The following GOLGB1 variants were observed in gnomAD, a reference collection of about 807,000 sequenced individuals.
GOLGB1 encodes golgin B1, also known as golgin subfamily B member 1.
Under a neutral mutation model 336.9 loss-of-function variants are expected in GOLGB1, and 174 were observed. The ratio of observed to expected loss-of-function variants is 0.52; its 90% CI spans 0.46 to 0.59. GOLGB1 has a LOEUF of 0.59. Ranked by LOEUF, GOLGB1 falls within the 20% of genes least tolerant of loss-of-function variation. The pLI, the probability that GOLGB1 is intolerant of heterozygous loss-of-function variation, is 0.00. For missense variants in GOLGB1, 3,331 were observed against 3,645.3 expected, an observed-to-expected ratio of 0.91 and a Z score of 2.22; for synonymous variants, 1,208 against 1,289.2, an observed-to-expected ratio of 0.94 and a Z score of 1.35.
intron 1 of GOLGB1, among the ~76,000 whole-genome samples, chr3:121,743,753 T>C (rs1427211686): frequency 1.3e-5 from 2 of 152,114 alleles, no homozygotes; most frequent in Non-Finnish European, 2.9e-5. Context: ...TACCAAATTG[T>C]CAAAAATGAG....
chr3:121,703,004 G>A (rs1199879658), intron 10 of GOLGB1, among the ~76,000 whole-genome samples: 1 of 152,158 alleles, frequency 6.6e-6, no homozygotes, highest in Non-Finnish European at 1.5e-5. Flanking sequence ...GAGGAATAGA[G>A]GCAAAGGAAT....
chr3:121,731,939 G>GA (rs1361684180), intron 1 of GOLGB1, among the ~76,000 whole-genome samples: 5 of 151,686 alleles, frequency 3.3e-5, no homozygotes, highest in African/African-American at 1.2e-4. Context: ...AGATGACCAA[G>GA]AAAAAAACAG....
chr3:121,715,013 T>A (rs1412676134), intron 9 of GOLGB1, 37 bp from the exon 10 acceptor site: 1 of 1,130,674 alleles, frequency 8.8e-7, no homozygotes, highest in African/African-American at 1.5e-5. Context: ...AATATTTGCT[T>A]CAAGTCTGAA....
At position 121,678,963 on chromosome 3, in the gene GOLGB1, T is replaced by C. The variant is rs189785206; in HGVS notation, c.8874-1513A>G. Among the ~76,000 whole-genome samples the C allele has an allele frequency of 2.6e-3, 402 of 152,220 alleles. 1 individual carries two copies. The highest frequency in any genetic ancestry group is 9.2e-3 in the African/African-American group (380 of 41,520). The stretch of plus-strand genomic sequence containing the variant: ...TTTTTATACACTAAGTGTTTAATCT[T>C]GGGATTAAATTTGTCAGAAAAACTG... On this transcript the variant is annotated intron_variant, in intron 15 of 21. Coordinates refer to ENST00000614479, the MANE Select transcript of GOLGB1 (RefSeq NM_001366282.2).
chr3:121,684,477 A>G (rs1436344458), intron 14 of GOLGB1, among the ~76,000 whole-genome samples: 1 of 152,108 alleles, frequency 6.6e-6, no homozygotes, highest in Non-Finnish European at 1.5e-5. Context: ...GAAGAAAAAA[A>G]GACCTATACC....
rs749793675 is a variant in GOLGB1 at position 121,719,681 on chromosome 3, C to T, written c.736G>A (p.Val246Ile). 1.7e-5 allele frequency: 28 copies of T among 1,610,876 alleles called. No homozygotes were observed. The highest frequency in any genetic ancestry group is 2.4e-5 in the Non-Finnish European group (28 of 1,178,456). ...TCTGTTTCCACATCTGCCTGGGTTA[C>T]TAACTGAAGAAGCTCATCTTCATGA... ...RLHEDELLQL[V>I]TQADVETEMQ... The change falls in exon 7 of 22, where the codon GTA becomes ATA. Residue 246 changes from valine (V) to isoleucine (I), a missense_variant. Val to Ile is a conservative substitution (Grantham distance 29). Transcript: ENST00000614479.
intron 10 of GOLGB1, among the ~76,000 whole-genome samples, chr3:121,708,944 C>T (rs1338054105): frequency 6.6e-6 from 1 of 151,918 alleles, no homozygotes; most frequent in East Asian, 1.9e-4. Flanking sequence ...AAGTATAACC[C>T]AACTATATGT....
Position 121,729,290 on chromosome 3 carries a change from C to T in GOLGB1, c.300G>A (p.Ala100=), listed in dbSNP as rs201587958. ...TATTCAAAGAAGTTAATTTGGCCTT[C>T]GCATGAAGTTTTAGTTTTTTAATTT... ...DNKIKKLKLH[A]KAKLTSLNKY... The change falls in exon 4 of 22, where the codon GCG becomes GCA. Residue 100 remains alanine (A), a synonymous_variant. Coordinates refer to ENST00000614479, the MANE Select transcript of GOLGB1 (RefSeq NM_001366282.2). 6.8e-6 allele frequency: 11 copies of T among 1,612,504 alleles called. No homozygotes were observed. Among genetic ancestry groups the T allele is most frequent in the East Asian group, 2.2e-5 (1 of 44,834 alleles).
At position 121,691,811 on chromosome 3, in the gene GOLGB1, C is replaced by T. The variant is rs755197372; in HGVS notation, c.7553G>A (p.Arg2518Gln). Residue 2518 changes from arginine (R) to glutamine (Q), a missense_variant, in exon 14 of 22, where the codon CGA becomes CAA. Arg to Gln is a conservative substitution (Grantham distance 43, BLOSUM62 1). Transcript: ENST00000614479. ...AENNKLKEEI[R>Q]GLRSHMDDLN... ...ATCATCCATATGACTTCTCAAGCCT[C>T]GTATTTCTTCTTTAAGCTTATTATT... The T allele has an allele frequency of 9.9e-6, 16 of 1,613,774 alleles. No individual in the cohort carries two copies. The highest frequency in any genetic ancestry group is 2.2e-5 in the South Asian group (2 of 91,044).
chr3:121,687,045 G>C (rs1054860148), intron 14 of GOLGB1, among the ~76,000 whole-genome samples: 1 of 152,156 alleles, frequency 6.6e-6, no homozygotes, highest in Non-Finnish European at 1.5e-5. Context: ...AGCCGAGGCA[G>C]GTGGATCACT....
Position 121,690,908 on chromosome 3 carries a change from T to C in GOLGB1, c.8456A>G (p.Asp2819Gly). 6.2e-7 allele frequency: 1 copy of C among 1,614,190 alleles called. No individual in the cohort carries two copies. Among genetic ancestry groups the C allele is most frequent in the African/African-American group, 1.3e-5 (1 of 75,064 alleles). The change falls in exon 14 of 22, where the codon GAT becomes GGT. Residue 2819 changes from aspartate (D) to glycine (G), a missense_variant. By Grantham distance (94) the Asp-to-Gly change is moderately conservative. Transcript: ENST00000614479. The stretch of plus-strand genomic sequence containing the variant: ...TGAGGACAAGTGAAGCAATTGCTCA[T>C]CTTTGGATAGGAGCTGTTGGTTAAG... ...EKLNQQLLSKDEQLLHLSSQL... is the reference protein window; with the variant it reads ...EKLNQQLLSKGEQLLHLSSQL...
At chr3:121,748,451 G>C (rs1000028156) in intron 1 of GOLGB1, among the ~76,000 whole-genome samples, 1 of 152,112 alleles carries the variant, frequency 6.6e-6, no homozygotes, top group Non-Finnish European at 1.5e-5. Context: ...GCAGTGAAAA[G>C]AAAAACATTA....
chr3:121,696,812 C>T lies in GOLGB1; in HGVS notation c.3711G>A (p.Gln1237=). 1 of 1,614,110 alleles carries T rather than the reference C, an allele frequency of 6.2e-7. No individual in the cohort carries two copies. The highest frequency in any genetic ancestry group is 8.5e-7 in the Non-Finnish European group (1 of 1,179,954). ...TTACTTGAATCTGGAGTTGCCTTAG[C>T]TGGTCTCCAATATTCTCATTTTCCT... ...QSKENENIGD[Q]LRQLQIQVRE... Residue 1237 remains glutamine (Q), a synonymous_variant, in exon 13 of 22, where the codon CAG becomes CAA. Transcript: ENST00000614479.
intron 16 of GOLGB1, 73 bp downstream of exon 16, chr3:121,677,212 A>AG: frequency 7.5e-7 from 1 of 1,332,018 alleles, no homozygotes; most frequent in Non-Finnish European, 1.0e-6. Context: ...TAAAAAAAAA[A>AG]CAAAACCCTG....
intron 11 of GOLGB1, among the ~76,000 whole-genome samples, chr3:121,701,008 G>C (rs1943359209): frequency 6.6e-6 from 1 of 152,062 alleles, no homozygotes; most frequent in Non-Finnish European, 1.5e-5. Context: ...TGGCACATAG[G>C]AAAGCCACCA....
At position 121,729,994 on chromosome 3, in the gene GOLGB1, C is replaced by G. The variant is rs368453498; in HGVS notation, c.120G>C (p.Met40Ile). ...LDPELHQESDMEFNNTTQEDV... is the reference protein window; with the variant it reads ...LDPELHQESDIEFNNTTQEDV... Reference sequence around the variant, plus strand: ...CTTCTTGTGTAGTATTATTAAATTCCATGTCAGATTCTTGGTGTAATTCCT... The same window carrying G: ...CTTCTTGTGTAGTATTATTAAATTCGATGTCAGATTCTTGGTGTAATTCCT... Residue 40 changes from methionine to isoleucine, a missense_variant, in exon 3 of 22, where the codon ATG becomes ATC. Transcript: ENST00000614479. 1 of 1,612,120 alleles carries G rather than the reference C, an allele frequency of 6.2e-7. No individual in the cohort carries two copies. The highest frequency in any genetic ancestry group is 2.2e-5 in the East Asian group (1 of 44,856).
chr3:121,697,702 T>G lies in GOLGB1; in HGVS notation c.2821A>C (p.Asn941His). Residue 941 changes from asparagine (N) to histidine (H), a missense_variant, in exon 13 of 22, where the codon AAT becomes CAT. Asn to His is a moderately conservative substitution (Grantham distance 68). Transcript: ENST00000614479. ...VEIKTLKEQL[N>H]LLSRAEEAKK... ...GCTTCCTCAGCTCTGGATAATAAAT[T>G]TAGCTGTTCTTTAAGAGTCTTAATT... 6.2e-7 allele frequency: 1 copy of G among 1,613,738 alleles called. No individual in the cohort carries two copies. The highest frequency in any genetic ancestry group is 8.5e-7 in the Non-Finnish European group (1 of 1,179,942).
intron 1 of GOLGB1, among the ~76,000 whole-genome samples, chr3:121,733,159 TA>T (rs1206192987): frequency 1.3e-5 from 2 of 151,786 alleles, no homozygotes; most frequent in Non-Finnish European, 2.9e-5. Flanking sequence ...CCAACTCTAC[TA>T]AAAATACAAA....
Position 121,694,035 on chromosome 3 carries a change from G to T in GOLGB1, c.6488C>A (p.Thr2163Lys), listed in dbSNP as rs1298846129. 6.2e-7 allele frequency: 1 copy of T among 1,614,010 alleles called. No individual in the cohort carries two copies. The change falls in exon 13 of 22, where the codon ACA becomes AAA. Residue 2163 changes from threonine (T) to lysine (K), a missense_variant. Thr to Lys is a moderately conservative substitution (Grantham distance 78). Transcript: ENST00000614479. ...LRREKVHLEETIGEIQVTLNK... is the reference protein window; with the variant it reads ...LRREKVHLEEKIGEIQVTLNK... ...CAAAGTAACCTGAATCTCTCCAATT[G>T]TCTCTTCCAAGTGGACTTTTTCTCT...
Sources: gnomAD v4.1 joint callset for allele counts (sites outside exome capture counted in the v4.1 genomes callset) on GRCh38, gnomAD v4.1.1 for gene constraint, MANE v1.5 for transcripts, NCBI Gene and HGNC (gene_info 2026-07-23, HGNC 2026-07-21) for gene names.